Variants in PLXDC2 observed in about 807,000 individuals in gnomAD.
PLXDC2 encodes the protein plexin domain containing 2.
In PLXDC2, 40 loss-of-function variants were observed where a neutral mutation model predicts 68.9. That is an observed-to-expected ratio of 0.58 (90% CI 0.45 to 0.76). The LOEUF is 0.76. Ranked by LOEUF, PLXDC2 falls within the 30% of genes least tolerant of loss-of-function variation. The pLI, the probability that PLXDC2 is intolerant of heterozygous loss-of-function variation, is 0.00. For missense variants in PLXDC2, 644 were observed against 661.9 expected (o/e 0.97, Z 0.30); for synonymous variants, 243 against 234.2 (o/e 1.04, Z -0.34).
At chr10:19,860,572 A>G (rs968373955) in intron 1 of PLXDC2, among the ~76,000 whole-genome samples, 1 of 152,126 alleles carries the variant, frequency 6.6e-6, no homozygotes, top group Non-Finnish European at 1.5e-5. Flanking sequence ...CCTTTTCTCT[A>G]CTCGAGATCT....
At chr10:20,071,070 C>T (rs1390522303) in intron 4 of PLXDC2, 2 of 152,020 alleles carry the variant, frequency 1.3e-5, no homozygotes, top group African/African-American at 4.8e-5. Context: ...TTAAAACACA[C>T]TAGCACGCAA....
At chr10:20,123,016 A>G (rs1010829956) in intron 4 of PLXDC2, among the ~76,000 whole-genome samples, 1 of 152,216 alleles carries the variant, frequency 6.6e-6, no homozygotes, top group Non-Finnish European at 1.5e-5. Flanking sequence ...ATAAAGAAAA[A>G]GGAGCATTAA....
At chr10:19,969,201 G>T (rs1230603746) in intron 1 of PLXDC2, among the ~76,000 whole-genome samples, 3 of 152,148 alleles carry the variant, frequency 2.0e-5, no homozygotes, top group Non-Finnish European at 2.9e-5. Flanking sequence ...GGACTTGTCT[G>T]TCTATACTGC....
At chr10:20,273,236 G>A (rs7074930) in intron 13 of PLXDC2, among the ~76,000 whole-genome samples, 38,037 of 151,768 alleles carry the variant, frequency 0.25, 4,878 homozygotes, top group African/African-American at 0.3. Context: ...TCTGTTTCCC[G>A]TTTTTTATGG....
chr10:19,911,978 T>G (rs974817852), intron 1 of PLXDC2, among the ~76,000 whole-genome samples: 2 of 152,228 alleles, frequency 1.3e-5, no homozygotes, highest in African/African-American at 4.8e-5. Context: ...TGAAGCTATT[T>G]CTTTTCTCTA....
chr10:20,068,235 C>T lies in PLXDC2; in HGVS notation c.537C>T (p.Thr179=), dbSNP rs143842350. ...TCCTACGTGAAATCACTGTGGCAAC[C>T]GGGGGTAAGTGGTTTTCTACCCATT... is the stretch of plus-strand genomic sequence containing the variant. ...GHFLREITVA[T]GGFIYTGEVV... Residue 179 remains threonine, a synonymous_variant, in exon 4 of 14, where the codon ACC becomes ACT. Coordinates refer to ENST00000377252, the MANE Select transcript of PLXDC2 (RefSeq NM_032812.9). 2.7e-4 allele frequency: 427 copies of T among 1,610,884 alleles called. 1 individual carries two copies. Among genetic ancestry groups the T allele is most frequent in the Admixed American group, 6.7e-4 (40 of 59,710 alleles).
At position 20,258,789 on chromosome 10, in the gene PLXDC2, C is replaced by T. The variant is rs181592758; in HGVS notation, c.1473+13284C>T. ...TTGGGAGGCCGAGGAGTGCGAATCACGAGGTCAGGAGATCGAGACCATCCT... is the reference window on the plus strand; with the variant it reads ...TTGGGAGGCCGAGGAGTGCGAATCATGAGGTCAGGAGATCGAGACCATCCT... On this transcript the variant is annotated intron_variant, in intron 13 of 13. Transcript: ENST00000377252. Among the ~76,000 whole-genome samples the T allele has an allele frequency of 1.4e-4, 21 of 152,094 alleles. No individual in the cohort carries two copies. The South Asian group carries it at 2.9e-3, about 21-fold the overall frequency.
chr10:20,165,957 G>T (rs1383814152), intron 7 of PLXDC2, among the ~76,000 whole-genome samples: 1 of 152,080 alleles, frequency 6.6e-6, no homozygotes, highest in African/African-American at 2.4e-5. Flanking sequence ...GGGGTGGGGG[G>T]TGTTTGTGTC....
intron 1 of PLXDC2, among the ~76,000 whole-genome samples, chr10:19,900,599 T>C (rs1375907347): frequency 1.3e-5 from 2 of 151,996 alleles, no homozygotes; most frequent in Non-Finnish European, 2.9e-5. Context: ...CAGGTTTCTT[T>C]TTTATTTATT....
intron 2 of PLXDC2, among the ~76,000 whole-genome samples, chr10:20,045,388 C>A (rs1835779688): frequency 6.6e-6 from 1 of 152,100 alleles, no homozygotes; most frequent in Non-Finnish European, 1.5e-5. Context: ...CCAGGCTGAT[C>A]TCAAATTCCT....
At chr10:19,890,666 C>T (rs1399043914) in intron 1 of PLXDC2, among the ~76,000 whole-genome samples, 19 of 137,928 alleles carry the variant, frequency 1.4e-4, no homozygotes, top group Admixed American at 3.8e-4. Flanking sequence ...TGAGCCACCG[C>T]GCCCGGCTGC....
chr10:20,284,312 C>CATATATATATATATATATATATAT lies in PLXDC2; in HGVS notation c.*4512_*4513insTATATATATATATATATATATATA, dbSNP rs747835988. The stretch of plus-strand genomic sequence containing the variant: ...GTGAGACCCATCTCTATCAAATATA[C>CATATATATATATATATATATATAT]ATATATATATATATATATACACACA... On this transcript the variant is annotated 3_prime_UTR_variant, in exon 14 of 14. Coordinates refer to ENST00000377252, the MANE Select transcript of PLXDC2 (RefSeq NM_032812.9). 120 of 125,212 alleles carry CATATATATATATATATATATATAT rather than the reference C, an allele frequency of 9.6e-4. 1 individual carries two copies. The highest frequency in any genetic ancestry group is 2.7e-3 in the African/African-American group (85 of 31,442). The allele number at this position is 125,212 out of a possible 1,614,324, so 7.8% of individuals were successfully genotyped here.
intron 1 of PLXDC2, among the ~76,000 whole-genome samples, chr10:19,971,707 CT>C (rs1564643578): frequency 6.6e-6 from 1 of 152,104 alleles, no homozygotes; most frequent in Non-Finnish European, 1.5e-5. Flanking sequence ...ATTTATTCAT[CT>C]CTCGACAAAC....
rs151097764 is a variant in PLXDC2 at position 20,195,785 on chromosome 10, T to C, written c.1062-15884T>C. Among the ~76,000 whole-genome samples, 425 of 152,234 alleles carry C rather than the reference T, an allele frequency of 2.8e-3. 2 individuals carry two copies. Among genetic ancestry groups the C allele is most frequent in the Admixed American group, 5.1e-3 (78 of 15,284 alleles). ...CTATCTTGGCAGAACAGAGATGAGT[T>C]GATTCATTCATGGTTGATGTTCCCG... On this transcript the variant is annotated intron_variant, in intron 9 of 13. Transcript: ENST00000377252.
At position 20,186,778 on chromosome 10, in the gene PLXDC2, C is replaced by T. The variant is rs528937652; in HGVS notation, c.1061+9369C>T. On this transcript the variant is annotated intron_variant, in intron 9 of 13. Coordinates refer to ENST00000377252, the MANE Select transcript of PLXDC2 (RefSeq NM_032812.9). Reference sequence around the variant, plus strand: ...TTTTTATGGCTGCGTAGTATTCCATCATGTATATGTACCATGTTTTCTTTA... The same window carrying T: ...TTTTTATGGCTGCGTAGTATTCCATTATGTATATGTACCATGTTTTCTTTA... Among the ~76,000 whole-genome samples, 7 of 151,894 alleles carry T rather than the reference C, an allele frequency of 4.6e-5. No individual in the cohort carries two copies. The South Asian group carries it at 1.5e-3, about 31-fold the overall frequency.
chr10:20,085,152 T>A (rs1833173450), intron 4 of PLXDC2, among the ~76,000 whole-genome samples: 1 of 134,898 alleles, frequency 7.4e-6, no homozygotes, highest in South Asian at 2.7e-4. Flanking sequence ...AGTACCAAGC[T>A]CTCATCTGTG....
At chr10:20,044,516 G>T (rs1013686268) in intron 2 of PLXDC2, among the ~76,000 whole-genome samples, 3 of 151,664 alleles carry the variant, frequency 2.0e-5, no homozygotes, top group African/African-American at 7.3e-5. Context: ...CACCATTTTG[G>T]CTAGGCTGTT....
intron 1 of PLXDC2, among the ~76,000 whole-genome samples, chr10:19,832,137 T>C (rs73601615): frequency 0.017 from 2,649 of 152,350 alleles, 77 homozygotes; most frequent in African/African-American, 0.06. Context: ...GTTTATTTAA[T>C]ACTTTTGTTT....
At chr10:20,148,027 C>T (rs1281852832) in intron 6 of PLXDC2, 125 bp downstream of exon 6, 2 of 682,554 alleles carry the variant, frequency 2.9e-6, no homozygotes, top group East Asian at 2.7e-5. Flanking sequence ...CTCTTGGTTT[C>T]CTTTGCTTAA....
Sources: gnomAD v4.1 joint callset for allele counts (sites outside exome capture counted in the v4.1 genomes callset) on GRCh38, gnomAD v4.1.1 for gene constraint, MANE v1.5 for transcripts, NCBI Gene and HGNC (gene_info 2026-07-23, HGNC 2026-07-21) for gene names.